Variants in TRPC6 observed in about 807,000 individuals in gnomAD.
The protein encoded by TRPC6 is short transient receptor potential channel 6.
A neutral mutation model predicts 90.7 loss-of-function variants in TRPC6; 55 were observed. The ratio of observed to expected loss-of-function variants is 0.61; its 90% confidence interval spans 0.49 to 0.76. TRPC6 has a LOEUF of 0.76. TRPC6 is among the 30% of genes least tolerant of loss of function. The probability of loss-of-function intolerance (pLI) is 0.00; values close to 1 mark genes in which losing one functional copy is unlikely to be tolerated. For synonymous variants in TRPC6, 393 were observed against 393.0 expected, an observed-to-expected ratio of 1.00 and a Z score of 0.00; for missense variants, 989 against 1,122.7, an observed-to-expected ratio of 0.88 and a Z score of 1.70.
chr11:101,479,193 G>T (rs1010110379), intron 5 of TRPC6, among the ~76,000 whole-genome samples: 2 of 152,184 alleles, frequency 1.3e-5, no homozygotes, highest in African/African-American at 4.8e-5. Context: ...GCTGCACGTG[G>T]CACCCAGGGC....
At chr11:101,573,129 C>T (rs745318801) in intron 1 of TRPC6, among the ~76,000 whole-genome samples, 1 of 147,316 alleles carries the variant, frequency 6.8e-6, no homozygotes, top group African/African-American at 2.4e-5. Context: ...TACAGTATGA[C>T]GTCCATAGAG....
rs111550859 is a variant in TRPC6 at position 101,473,845 on chromosome 11, C to T, written c.1745-72G>A. 4.2e-4 allele frequency: 666 copies of T among 1,598,060 alleles called. 1 individual carries two copies. The African/African-American group carries it at 7.4e-3, about 18-fold the overall frequency. The stretch of plus-strand genomic sequence containing the variant: ...TTTATTTAGGTAACTTCTTTTTCTG[C>T]GAAAGAAATATAGTTATGTTAGAAT... On this transcript the variant is annotated intron_variant, in intron 6 of 12. Transcript: ENST00000344327.
chr11:101,484,648 T>TGTCCCTA (rs1859635495), intron 4 of TRPC6, among the ~76,000 whole-genome samples: 1 of 149,752 alleles, frequency 6.7e-6, no homozygotes, highest in African/African-American at 2.4e-5. Context: ...TGAGTGCAGT[T>TGTCCCTA]GTCCCTAGGT....
chr11:101,465,766 C>T (rs1000139883), intron 10 of TRPC6, among the ~76,000 whole-genome samples: 1 of 152,076 alleles, frequency 6.6e-6, no homozygotes, highest in African/African-American at 2.4e-5. Flanking sequence ...TTTGTTATTA[C>T]CCACCTTCTG....
chr11:101,505,456 G>A (rs1860238170), intron 1 of TRPC6, among the ~76,000 whole-genome samples: 1 of 152,184 alleles, frequency 6.6e-6, no homozygotes, highest in Admixed American at 6.5e-5. Context: ...AGGATAAGTA[G>A]AAGTCAGGTG....
At chr11:101,577,794 G>A (rs1862103240) in intron 1 of TRPC6, among the ~76,000 whole-genome samples, 1 of 152,118 alleles carries the variant, frequency 6.6e-6, no homozygotes, top group Non-Finnish European at 1.5e-5. Context: ...ATATAGCCTC[G>A]CCTCAGGTGT....
intron 5 of TRPC6, 99 bp downstream of exon 5, chr11:101,482,850 C>G: frequency 8.1e-7 from 1 of 1,228,058 alleles, no homozygotes. Flanking sequence ...CTGTATCATG[C>G]TGCATACATT....
At chr11:101,530,895 T>C (rs954578629) in intron 1 of TRPC6, among the ~76,000 whole-genome samples, 4 of 152,184 alleles carry the variant, frequency 2.6e-5, no homozygotes, top group African/African-American at 9.6e-5. Context: ...ATCTCACTTA[T>C]AATGTAGAAT....
At chr11:101,573,265 T>A (rs1185501984) in intron 1 of TRPC6, among the ~76,000 whole-genome samples, 1 of 152,190 alleles carries the variant, frequency 6.6e-6, no homozygotes, top group Non-Finnish European at 1.5e-5. Flanking sequence ...ACAGAGTACC[T>A]CCTTTCCTCA....
intron 4 of TRPC6, among the ~76,000 whole-genome samples, chr11:101,485,537 C>G (rs1269783872): frequency 1.3e-5 from 2 of 151,712 alleles, no homozygotes; most frequent in East Asian, 3.9e-4. Context: ...TTGCAAGAAT[C>G]CATATCTTTC....
intron 5 of TRPC6, among the ~76,000 whole-genome samples, chr11:101,479,220 G>A (rs891031139): frequency 1.3e-5 from 2 of 152,210 alleles, no homozygotes; most frequent in Non-Finnish European, 2.9e-5. Context: ...ATGTGGTCTC[G>A]CCATTGGGTA....
At chr11:101,503,716 G>A (rs544353324) in intron 2 of TRPC6, among the ~76,000 whole-genome samples, 39 of 152,190 alleles carry the variant, frequency 2.6e-4, no homozygotes, top group Non-Finnish European at 4.4e-4. Context: ...TGTTGATATT[G>A]GGCATTAGCG....
At chr11:101,458,443 G>T (rs759617997) in intron 10 of TRPC6, among the ~76,000 whole-genome samples, 2 of 152,202 alleles carry the variant, frequency 1.3e-5, no homozygotes, top group African/African-American at 4.8e-5. Flanking sequence ...CTGTTCAGAA[G>T]GTGGAACAGG....
chr11:101,472,435 G>A (rs1859314278), intron 7 of TRPC6, 103 bp from the exon 8 acceptor site: 2 of 1,146,266 alleles, frequency 1.7e-6, no homozygotes, highest in African/African-American at 3.2e-5. Flanking sequence ...AAATTAGTGA[G>A]TATAAAAAAA....
rs891315518 is a variant in TRPC6, at chr11:101,566,181, T to C, written c.170+17153A>G. Among the ~76,000 whole-genome samples the C allele has an allele frequency of 2.0e-5, 3 of 152,212 alleles. No homozygotes were observed. The East Asian group carries it at 5.8e-4, about 29-fold the overall frequency. ...TACAATAAAAATCAACTAAATCACTTTGTAAGTTTTGCCCAGGCACAACAT... is the reference window on the plus strand; with the variant it reads ...TACAATAAAAATCAACTAAATCACTCTGTAAGTTTTGCCCAGGCACAACAT... On this transcript the variant is annotated intron_variant, in intron 1 of 12. Coordinates refer to ENST00000344327, the MANE Select transcript of TRPC6 (RefSeq NM_004621.6).
At chr11:101,535,413 T>C (rs1442646556) in intron 1 of TRPC6, among the ~76,000 whole-genome samples, 1 of 151,730 alleles carries the variant, frequency 6.6e-6, no homozygotes, top group Admixed American at 6.6e-5. Context: ...TTTTTTGCTT[T>C]AACCTTTGTT....
At chr11:101,511,682 A>AT (rs1332193191) in intron 1 of TRPC6, among the ~76,000 whole-genome samples, 2 of 151,962 alleles carry the variant, frequency 1.3e-5, no homozygotes, top group Non-Finnish European at 2.9e-5. Context: ...AGAAGCAGAG[A>AT]TTTTCTTGAC....
At chr11:101,540,439 T>C (rs1287918769) in intron 1 of TRPC6, among the ~76,000 whole-genome samples, 1 of 152,246 alleles carries the variant, frequency 6.6e-6, no homozygotes, top group Non-Finnish European at 1.5e-5. Context: ...CAGCGTATTT[T>C]TAAAGTATTT....
At chr11:101,545,163 C>T (rs1018847816) in intron 1 of TRPC6, among the ~76,000 whole-genome samples, 5 of 151,956 alleles carry the variant, frequency 3.3e-5, no homozygotes, top group Non-Finnish European at 5.9e-5. Context: ...ATCCATGGAT[C>T]CTACACCCAC....
Sources: allele counts gnomAD v4.1 joint callset (sites outside exome capture counted in the v4.1 genomes callset), GRCh38; gene constraint gnomAD v4.1.1; transcripts MANE v1.5; gene names NCBI Gene and HGNC (gene_info 2026-07-23, HGNC 2026-07-21).